Variants in FGD5 observed in about 807,000 individuals in gnomAD.
FGD5 encodes FYVE, RhoGEF and PH domain containing 5.
In FGD5, 28 loss-of-function variants were observed where a neutral mutation model predicts 133.4. The ratio of observed to expected loss-of-function variants is 0.21; its 90% confidence interval spans 0.16 to 0.29. The LOEUF (loss-of-function observed/expected upper bound fraction) is 0.29. Ranked by LOEUF, FGD5 falls within the 10% of genes least tolerant of loss-of-function variation. The pLI is 1.00. For missense variants in FGD5, 1,858 were observed against 1,895.2 expected, an observed-to-expected ratio of 0.98 and a Z score of 0.36; for synonymous variants, 810 against 776.5, an observed-to-expected ratio of 1.04 and a Z score of -0.72.
intron 13 of FGD5, among the ~76,000 whole-genome samples, chr3:14,919,452 A>G (rs868587580): frequency 1.3e-5 from 2 of 152,108 alleles, no homozygotes; most frequent in African/African-American, 2.4e-5. Flanking sequence ...CCCCGTCTCT[A>G]CTAAAAATAC....
intron 1 of FGD5, among the ~76,000 whole-genome samples, chr3:14,826,276 T>C (rs891138145): frequency 6.6e-6 from 1 of 152,088 alleles, no homozygotes; most frequent in African/African-American, 2.4e-5. Context: ...TCTCCCTCCC[T>C]TTCTCCCTCT....
chr3:14,862,115 G>C (rs2037411203), intron 1 of FGD5, among the ~76,000 whole-genome samples: 1 of 152,152 alleles, frequency 6.6e-6, no homozygotes, highest in Non-Finnish European at 1.5e-5. Flanking sequence ...GCTGTGCTAG[G>C]AGACACTCGG....
intron 2 of FGD5, among the ~76,000 whole-genome samples, chr3:14,878,368 T>C (rs1039518972): frequency 6.6e-6 from 1 of 152,172 alleles, no homozygotes; most frequent in African/African-American, 2.4e-5. Context: ...GTCAGAGGAG[T>C]GGCCCAGCCT....
At position 14,932,466 on chromosome 3, in the gene FGD5, A is replaced by G; in HGVS notation, c.4198-111A>G. ...TGTGTGTGGTGAGCCCGAAGGTGCC[A>G]AAGCACACCCCACACAGAGGCACTC... On this transcript the variant is annotated intron_variant, in intron 18 of 19. Coordinates refer to ENST00000285046, the MANE Select transcript of FGD5 (RefSeq NM_152536.4). 2.3e-6 allele frequency: 3 copies of G among 1,299,554 alleles called. No homozygotes were observed. The East Asian group carries it at 7.9e-5, about 34-fold the overall frequency. 80.5% of individuals were successfully genotyped at this position (1,299,554 alleles called of 1,614,324 possible). A position where few individuals can be genotyped will look rare whatever the true frequency, so the allele number is the denominator to read the frequency against.
At chr3:14,854,432 T>TTGATTG (rs1553625404) in intron 1 of FGD5, among the ~76,000 whole-genome samples, 12,340 of 143,408 alleles carry the variant, frequency 0.086, 715 homozygotes, top group Admixed American at 0.12. Flanking sequence ...TTTATTTATT[T>TTGATTG]ATTGAGACGA....
chr3:14,931,529 C>A (rs1268621120), intron 18 of FGD5: 2 of 152,182 alleles, frequency 1.3e-5, no homozygotes, highest in African/African-American at 2.4e-5. Context: ...CCTTCTTCTT[C>A]CTCCCACCAC....
chr3:14,832,005 A>G (rs1241106793), intron 1 of FGD5, among the ~76,000 whole-genome samples: 1 of 152,132 alleles, frequency 6.6e-6, no homozygotes, highest in Non-Finnish European at 1.5e-5. Flanking sequence ...TATTTGGTGG[A>G]CACAGATGGC....
intron 4 of FGD5, among the ~76,000 whole-genome samples, chr3:14,885,022 T>C (rs892653525): frequency 2.6e-5 from 4 of 151,320 alleles, no homozygotes; most frequent in Non-Finnish European, 5.9e-5. Flanking sequence ...CTCCTCACTA[T>C]CTCTTTTGCC....
At chr3:14,881,893 C>G (rs888082268) in intron 4 of FGD5, among the ~76,000 whole-genome samples, 1 of 152,184 alleles carries the variant, frequency 6.6e-6, no homozygotes, top group African/African-American at 2.4e-5. Context: ...GGGACCATCT[C>G]TGGGTGTACC....
Position 14,820,513 on chromosome 3 carries a change from G to C in FGD5, c.1442G>C (p.Arg481Thr), listed in dbSNP as rs758562886. ...VPADRKNTST[R>T]VRPHSGKVAG... ...GCGGACAGGAAGAACACCAGCACGA[G>C]GGTCCGGCCCCACTCTGGGAAGGTG... Residue 481 changes from arginine (R) to threonine (T), a missense_variant, in exon 1 of 20, where the codon AGG (arginine) becomes ACG (threonine). Physicochemically the swap from Arg to Thr is moderately conservative, Grantham distance 71 (BLOSUM62 -1). This residue lies in a region of FGD5 where 1,824 missense variants were observed against 1,848.9 expected (regional missense o/e 0.99). Transcript: ENST00000285046. 6.2e-7 allele frequency: 1 copy of C among 1,613,992 alleles called. No individual in the cohort carries two copies. Among genetic ancestry groups the C allele is most frequent in the South Asian group, 1.1e-5 (1 of 91,088 alleles).
chr3:14,914,682 C>G (rs1559504194), intron 11 of FGD5, among the ~76,000 whole-genome samples: 1 of 152,158 alleles, frequency 6.6e-6, no homozygotes, highest in Non-Finnish European at 1.5e-5. Context: ...ACATTCCCTC[C>G]CGAGCACACT....
In FGD5 at chr3:14,897,498, TG is replaced by T; in HGVS notation, c.2749-9del. The T allele has an allele frequency of 6.2e-7, 1 of 1,600,764 alleles. No individual in the cohort carries two copies. Among genetic ancestry groups the T allele is most frequent in the Non-Finnish European group, 8.5e-7 (1 of 1,173,758 alleles). On this transcript the variant is annotated splice_polypyrimidine_tract_variant and intron_variant, in intron 4 of 19. Transcript: ENST00000285046. ...ATCAACCTGTGGGTAACAGACCTTT[TG>T]GTGTTTCAGGATTTCCATGGAGCTG... is the stretch of plus-strand genomic sequence containing the variant.
At chr3:14,895,544 GACA>G (rs1448996567) in intron 4 of FGD5, among the ~76,000 whole-genome samples, 4 of 152,104 alleles carry the variant, frequency 2.6e-5, no homozygotes, top group Non-Finnish European at 4.4e-5. Context: ...TGGGTTTACA[GACA>G]ACAAGATCTG....
At chr3:14,827,281 C>CTTTTTTTT (rs1176016508) in intron 1 of FGD5, among the ~76,000 whole-genome samples, 2 of 104,778 alleles carry the variant, frequency 1.9e-5, no homozygotes. Context: ...TTCTGGTATT[C>CTTTTTTTT]TTTTTTTTTT....
At chr3:14,899,533 A>G (rs1207397451) in intron 7 of FGD5, among the ~76,000 whole-genome samples, 1 of 152,242 alleles carries the variant, frequency 6.6e-6, no homozygotes, top group Non-Finnish European at 1.5e-5. Context: ...ATGTAATTCC[A>G]GGTAGCAACT....
intron 1 of FGD5, among the ~76,000 whole-genome samples, chr3:14,825,770 G>C (rs1014499507): frequency 6.6e-6 from 1 of 152,138 alleles, no homozygotes; most frequent in African/African-American, 2.4e-5. Context: ...CAGATAGGCT[G>C]TCTTATGTCC....
intron 1 of FGD5, among the ~76,000 whole-genome samples, chr3:14,837,972 CTCTGTGGG>C (rs1380202870): frequency 3.3e-5 from 5 of 152,232 alleles, no homozygotes; most frequent in African/African-American, 1.2e-4. Flanking sequence ...CATCTCCCAG[CTCTGTGGG>C]TCAGCAGTCT....
intron 16 of FGD5, 39 bp downstream of exon 16, chr3:14,923,214 G>A (rs1422715402): frequency 6.3e-7 from 1 of 1,589,200 alleles, no homozygotes; most frequent in South Asian, 1.1e-5. Context: ...AAGTGGCCTG[G>A]TGGCTTCTCC....
rs2038918291 is a variant in FGD5, at chr3:14,932,626, C to T, written c.4247C>T (p.Pro1416Leu). The T allele has an allele frequency of 3.1e-6, 5 of 1,613,906 alleles. No homozygotes were observed. Among genetic ancestry groups the T allele is most frequent in the Non-Finnish European group, 4.2e-6 (5 of 1,179,878 alleles). Residue 1416 changes from proline to leucine, a missense_variant, in exon 19 of 20, where the codon CCA becomes CTA. Physicochemically the swap from Pro to Leu is moderately conservative, Grantham distance 98 (BLOSUM62 -3). This residue lies in a region of FGD5 where 1,824 missense variants were observed against 1,848.9 expected (regional missense o/e 0.99). Coordinates refer to ENST00000285046, the MANE Select transcript of FGD5 (RefSeq NM_152536.4). ...CCTCTGCTAGGCTTCACCATTGCTC[C>T]AGAAAAGGAAGAGGGCAGCAGTGAA... Reference protein sequence around the residue: ...SMPLLGFTIAPEKEEGSSEVG... With the variant: ...SMPLLGFTIALEKEEGSSEVG...
Sources: gnomAD v4.1 joint callset for allele counts (sites outside exome capture counted in the v4.1 genomes callset) on GRCh38, gnomAD v4.1.1 for gene constraint, gnomAD v4.1.1 regional missense constraint, MANE v1.5 for transcripts, NCBI Gene and HGNC (gene_info 2026-07-23, HGNC 2026-07-21) for gene names.